UBAP2L: variants seen among roughly 807,000 people sequenced by gnomAD.
The protein encoded by UBAP2L is ubiquitin-associated protein 2-like.
UBAP2L carries 12 observed loss-of-function variants against 130.6 expected under a neutral mutation model. The ratio of observed to expected loss-of-function variants is 0.09; its 90% CI spans 0.06 to 0.15. The LOEUF (loss-of-function observed/expected upper bound fraction) is 0.15. Ranked by LOEUF, UBAP2L falls within the 10% of genes least tolerant of loss-of-function variation. The pLI is 1.00. For missense variants in UBAP2L, 965 were observed against 1,332.5 expected (o/e 0.72, Z 4.29); for synonymous variants, 503 against 524.7 (o/e 0.96, Z 0.57).
intron 1 of UBAP2L, among the ~76,000 whole-genome samples, chr1:154,223,826 T>C (rs1667106109): frequency 1.3e-5 from 2 of 152,202 alleles, no homozygotes; most frequent in Non-Finnish European, 2.9e-5. Flanking sequence ...AGTTAATCCT[T>C]GCATATTTCT....
intron 24 of UBAP2L, among the ~76,000 whole-genome samples, chr1:154,262,377 T>C (rs1681851201): frequency 6.6e-6 from 1 of 152,182 alleles, no homozygotes; most frequent in African/African-American, 2.4e-5. Context: ...AGCCTCTCCC[T>C]TGCTTCCATA....
chr1:154,251,535 C>G lies in UBAP2L; in HGVS notation c.1546C>G (p.Leu516Val). 2 of 1,614,090 alleles carry G rather than the reference C, an allele frequency of 1.2e-6. No individual in the cohort carries two copies. Among genetic ancestry groups the G allele is most frequent in the Non-Finnish European group, 1.7e-6 (2 of 1,180,030 alleles). Residue 516 changes from leucine (L) to valine (V), a missense_variant, in exon 14 of 27, where the codon CTG (leucine) becomes GTG (valine). By Grantham distance (32) the Leu-to-Val change is conservative (BLOSUM62 1). Coordinates refer to ENST00000428931, the MANE Select transcript of UBAP2L (RefSeq NM_014847.4). ...CTCAGCAGATATCTCAGGGCTAAAC[C>G]TGCAGTTTGGGGCATTGCAGTTTGG... is the stretch of plus-strand genomic sequence containing the variant. ...PGSADISGLN[L>V]QFGALQFGSE...
chr1:154,230,063 C>T (rs1043565709), intron 4 of UBAP2L, among the ~76,000 whole-genome samples: 1 of 151,960 alleles, frequency 6.6e-6, no homozygotes, highest in South Asian at 2.1e-4. Flanking sequence ...TCTCCCAGGC[C>T]GGAGTACATC....
intron 8 of UBAP2L, among the ~76,000 whole-genome samples, chr1:154,240,347 A>G (rs1673114306): frequency 6.6e-6 from 1 of 152,080 alleles, no homozygotes; most frequent in Admixed American, 6.6e-5. Context: ...CATGAAGCAC[A>G]AAAAAGGAAT....
At chr1:154,225,878 A>G (rs1667767377) in intron 2 of UBAP2L, among the ~76,000 whole-genome samples, 1 of 152,188 alleles carries the variant, frequency 6.6e-6, no homozygotes, top group South Asian at 2.1e-4. Flanking sequence ...CAATGGCGCC[A>G]CTTCGGCTCA....
At chr1:154,220,256 G>A (rs1042343624), upstream of UBAP2L, 1 of 1,490,020 alleles carries the variant, frequency 6.7e-7, no homozygotes, top group African/African-American at 1.4e-5. Flanking sequence ...TGAGTGGGTG[G>A]AGAATGCAGA....
intron 7 of UBAP2L, 44 bp from the exon 8 acceptor site, chr1:154,236,980 A>C: frequency 6.7e-7 from 1 of 1,485,708 alleles, no homozygotes; most frequent in African/African-American, 1.4e-5. Flanking sequence ...ATATTTGCCA[A>C]AGCTGCTTAG....
At chr1:154,248,881 GGAAGTAATGATGATAT>G (rs1476409544) in intron 11 of UBAP2L, among the ~76,000 whole-genome samples, 1 of 152,150 alleles carries the variant, frequency 6.6e-6, no homozygotes, top group Non-Finnish European at 1.5e-5. Flanking sequence ...GCAGGGAGAA[GGAAGTAATGATGATAT>G]GAAGTTTTAA....
At chr1:154,228,144 A>G (rs1195725229) in intron 3 of UBAP2L, among the ~76,000 whole-genome samples, 1 of 151,886 alleles carries the variant, frequency 6.6e-6, no homozygotes, top group Admixed American at 6.6e-5. Flanking sequence ...GGTTCTGGAA[A>G]ACCTGCTAGG....
chr1:154,264,620 A>G (rs535407130), intron 24 of UBAP2L, among the ~76,000 whole-genome samples: 5 of 152,314 alleles, frequency 3.3e-5, no homozygotes, highest in Admixed American at 1.3e-4. Context: ...AAAGAATGAG[A>G]TCAGGTAGGG....
At chr1:154,258,369 G>GC (rs1680382827) in intron 20 of UBAP2L, among the ~76,000 whole-genome samples, 3 of 152,132 alleles carry the variant, frequency 2.0e-5, no homozygotes, top group African/African-American at 7.2e-5. Flanking sequence ...ACTCAATCTG[G>GC]GACTTTGAGA....
chr1:154,227,671 C>T (rs1236856929), intron 3 of UBAP2L, among the ~76,000 whole-genome samples: 2 of 151,886 alleles, frequency 1.3e-5, no homozygotes, highest in East Asian at 1.9e-4. Context: ...TTCAGCCTCC[C>T]GAGTAGTTGG....
intron 4 of UBAP2L, among the ~76,000 whole-genome samples, chr1:154,234,119 A>G (rs1670840259): frequency 6.6e-6 from 1 of 152,044 alleles, no homozygotes; most frequent in Non-Finnish European, 1.5e-5. Context: ...CCAGCACTTT[A>G]AGAGGCCGAG....
intron 4 of UBAP2L, among the ~76,000 whole-genome samples, chr1:154,232,665 G>C (rs1419834419): frequency 6.6e-6 from 1 of 152,128 alleles, no homozygotes; most frequent in Non-Finnish European, 1.5e-5. Context: ...CTTGGGGTCA[G>C]GGCTGCGACT....
Position 154,249,264 on chromosome 1 carries a change from G to C in UBAP2L, c.1040G>C (p.Gly347Ala), listed in dbSNP as rs766139599. The change falls in exon 12 of 27, where the codon GGT (glycine) becomes GCT (alanine). Residue 347 changes from glycine (G) to alanine (A), a missense_variant. This residue lies in a region of UBAP2L where 99 missense variants were observed against 106.4 expected (regional missense o/e 0.93). Coordinates refer to ENST00000428931, the MANE Select transcript of UBAP2L (RefSeq NM_014847.4). Reference protein sequence around the residue: ...SMVSMLGKGFGDVGEAKGGST... With the variant: ...SMVSMLGKGFADVGEAKGGST... ...GTGAGCATGTTAGGGAAAGGATTTG[G>C]TGATGTCGGTGAAGCTAAAGGCGGC... 6.2e-7 allele frequency: 1 copy of C among 1,614,038 alleles called. No individual in the cohort carries two copies. Among genetic ancestry groups the C allele is most frequent in the African/African-American group, 1.3e-5 (1 of 74,894 alleles).
At chr1:154,267,156 T>G (rs987576077) in intron 25 of UBAP2L, among the ~76,000 whole-genome samples, 74 of 147,024 alleles carry the variant, frequency 5.0e-4, no homozygotes, top group African/African-American at 1.7e-3. Context: ...AACGAGTTTT[T>G]TTTTTTTTTT....
chr1:154,223,330 A>G (rs963371815), intron 1 of UBAP2L, among the ~76,000 whole-genome samples: 2 of 152,170 alleles, frequency 1.3e-5, no homozygotes, highest in Admixed American at 1.3e-4. Flanking sequence ...TCACAAATAG[A>G]TATCACATGT....
intron 11 of UBAP2L, among the ~76,000 whole-genome samples, 159 bp downstream of exon 11, chr1:154,246,534 G>T (rs1361054264): frequency 6.6e-6 from 1 of 151,660 alleles, no homozygotes; most frequent in East Asian, 1.9e-4. Context: ...TGGGTAATAG[G>T]GGGTAGCTCT....
In UBAP2L at chr1:154,266,551, G is replaced by A. The variant is rs764476175; in HGVS notation, c.2953G>A (p.Val985Met). 5.0e-6 allele frequency: 8 copies of A among 1,614,152 alleles called. No individual in the cohort carries two copies. The highest frequency in any genetic ancestry group is 6.8e-6 in the Non-Finnish European group (8 of 1,180,014). The change falls in exon 25 of 27, where the codon GTG (valine) becomes ATG (methionine). Residue 985 changes from valine (V) to methionine (M), a missense_variant. By Grantham distance (21) the Val-to-Met change is conservative (BLOSUM62 1). Around this residue, in one of 9 missense-constraint regions of UBAP2L, gnomAD observed 194 missense variants for 334.0 expected, o/e 0.58. Transcript: ENST00000428931. Reference sequence around the variant, plus strand: ...GGGCGTGCCAGATATCTCGGGTTCTGTGTACTCCAAAACCCAGGTAGGTGC... The same window carrying A: ...GGGCGTGCCAGATATCTCGGGTTCTATGTACTCCAAAACCCAGGTAGGTGC... ...NTGVPDISGS[V>M]YSKTQQSFEK...
Sources: gnomAD v4.1 joint callset for allele counts (sites outside exome capture counted in the v4.1 genomes callset) on GRCh38, gnomAD v4.1.1 for gene constraint, gnomAD v4.1.1 regional missense constraint, MANE v1.5 for transcripts, NCBI Gene and HGNC (gene_info 2026-07-23, HGNC 2026-07-21) for gene names.